Variants in RNF217 observed in about 807,000 individuals in gnomAD.
RNF217 encodes the protein E3 ubiquitin-protein ligase RNF217.
A neutral mutation model predicts 57.8 loss-of-function variants in RNF217; 31 were observed. That is an observed-to-expected ratio of 0.54 (90% CI 0.40 to 0.72). The LOEUF (loss-of-function observed/expected upper bound fraction) is 0.72, where lower values mean the gene tolerates loss of function less well. Among genes scored for constraint, RNF217 ranks in the 30% least tolerant of loss-of-function variants. The pLI is 0.00. For missense variants in RNF217, 696 were observed against 708.3 expected (o/e 0.98, Z 0.20); for synonymous variants, 313 against 294.0 (o/e 1.06, Z -0.66).
chr6:125,083,071 G>A lies in RNF217; in HGVS notation c.*134G>A, dbSNP rs1788638091. On this transcript the variant is annotated 3_prime_UTR_variant, in exon 6 of 6. Transcript: ENST00000521654. ...TCTCATCTCCCAGTGATTCTCCGTG[G>A]GCCACAATGCCTCTAGCTATGGTGC... The A allele has an allele frequency of 1.7e-6, 1 of 586,378 alleles. No homozygotes were observed. Among genetic ancestry groups the A allele is most frequent in the African/African-American group, 2.0e-5 (1 of 51,246 alleles). 36.3% of individuals were successfully genotyped at this position (586,378 alleles called of 1,614,324 possible).
rs9401790 is a variant in RNF217, at chr6:124,963,311, T to C, written c.767T>C (p.Val256Ala). 1,298,765 of 1,535,478 alleles carry C rather than the reference T, an allele frequency of 0.85. 549,659 individuals are homozygous for C. Among genetic ancestry groups the C allele is most frequent in the Admixed American group, 0.9 (45,890 of 50,930 alleles). ...CTGGGCGGTGTAGGGGATCCCTATG[T>C]GCCCCTCATGGTGCTGATGTGCCGG... is the stretch of plus-strand genomic sequence containing the variant. ...SGLGGVGDPY[V>A]PLMVLMCRVC... The change falls in exon 1 of 6, where the codon GTG becomes GCG. Residue 256 changes from valine (V) to alanine (A), a missense_variant. This residue lies in a region of RNF217 where 465 missense variants were observed against 386.8 expected (regional missense o/e 1.20). Transcript: ENST00000521654.
chr6:125,013,584 T>C (rs991281433), intron 1 of RNF217, among the ~76,000 whole-genome samples: 1 of 152,028 alleles, frequency 6.6e-6, no homozygotes, highest in East Asian at 1.9e-4. Context: ...GCTTTGGCTG[T>C]TTTCTTTTAG....
At chr6:124,983,703 G>A (rs1247138713) in intron 1 of RNF217, among the ~76,000 whole-genome samples, 1 of 152,180 alleles carries the variant, frequency 6.6e-6, no homozygotes, top group Non-Finnish European at 1.5e-5. Context: ...TACTGGCTCA[G>A]TAGGAAGAGG....
At chr6:124,983,350 C>T (rs562635280) in intron 1 of RNF217, 12 of 983,892 alleles carry the variant, frequency 1.2e-5, no homozygotes, top group Non-Finnish European at 1.4e-5. Flanking sequence ...GATAGAACTC[C>T]GACTGTGTAC....
chr6:125,077,071 A>G (rs1336386997), intron 4 of RNF217, among the ~76,000 whole-genome samples: 1 of 152,178 alleles, frequency 6.6e-6, no homozygotes, highest in African/African-American at 2.4e-5. Context: ...TGTTTGAAAA[A>G]GCAGCTTATT....
chr6:124,975,931 A>G (rs1199046456), intron 1 of RNF217, among the ~76,000 whole-genome samples: 2 of 151,940 alleles, frequency 1.3e-5, no homozygotes, highest in Non-Finnish European at 1.5e-5. Context: ...TTTAAAAAAT[A>G]TTTTTCCTAT....
At chr6:125,026,947 T>C (rs1340741319) in intron 1 of RNF217, among the ~76,000 whole-genome samples, 1 of 152,146 alleles carries the variant, frequency 6.6e-6, no homozygotes. Context: ...TATTAATGTT[T>C]ATTATATTTG....
At chr6:125,000,949 G>A (rs1196574779) in intron 1 of RNF217, among the ~76,000 whole-genome samples, 2 of 152,104 alleles carry the variant, frequency 1.3e-5, no homozygotes, top group African/African-American at 4.8e-5. Context: ...GAAGTATGAT[G>A]TATGAGAAAT....
chr6:124,995,946 GA>G (rs1784734055), intron 1 of RNF217, among the ~76,000 whole-genome samples: 1 of 151,880 alleles, frequency 6.6e-6, no homozygotes, highest in Admixed American at 6.6e-5. Context: ...ATCAAGAAAA[GA>G]AAAACATTTG....
chr6:125,073,929 C>CT (rs1184952290), intron 3 of RNF217, among the ~76,000 whole-genome samples: 1 of 152,170 alleles, frequency 6.6e-6, no homozygotes, highest in Non-Finnish European at 1.5e-5. Context: ...TATTATCTAA[C>CT]TTGACACTTG....
At chr6:124,963,543 T>C (rs1228736056) in intron 1 of RNF217, 117 bp downstream of exon 1, 21 of 1,200,966 alleles carry the variant, frequency 1.7e-5, no homozygotes, top group Middle Eastern at 2.0e-4. Context: ...TTACTGAGGA[T>C]CTCTGTTAGT....
chr6:124,994,257 C>T (rs537809514), intron 1 of RNF217, among the ~76,000 whole-genome samples: 16 of 152,208 alleles, frequency 1.1e-4, no homozygotes, highest in African/African-American at 3.4e-4. Flanking sequence ...CAATTAGTGA[C>T]TTATGAACTA....
rs865823879 is a variant in RNF217, at chr6:124,973,166, C to A, written c.882+9740C>A. 3.2e-4 allele frequency among the ~76,000 whole-genome samples: 48 copies of A among 152,236 alleles called. No individual in the cohort carries two copies. In the Middle Eastern group the frequency reaches 0.014, roughly 43 times the overall value. On this transcript the variant is annotated intron_variant, in intron 1 of 5. Coordinates refer to ENST00000521654, the MANE Select transcript of RNF217 (RefSeq NM_001286398.3). ...CTTGTTTAAAAACCTGTAAGACCTC[C>A]TCATTGCTTCACATAGAGATCCCAG... is the stretch of plus-strand genomic sequence containing the variant.
intron 2 of RNF217, among the ~76,000 whole-genome samples, chr6:125,047,205 A>G (rs1230470468): frequency 6.6e-6 from 1 of 152,100 alleles, no homozygotes; most frequent in Non-Finnish European, 1.5e-5. Flanking sequence ...TAATTTTTAA[A>G]ATTGCAGTAA....
intron 1 of RNF217, among the ~76,000 whole-genome samples, chr6:124,968,859 G>C (rs886550686): frequency 2.0e-5 from 3 of 152,088 alleles, no homozygotes; most frequent in African/African-American, 7.2e-5. Flanking sequence ...ATACCTGAGC[G>C]GTAATTTCTT....
chr6:124,962,872 G>A lies in RNF217; in HGVS notation c.328G>A (p.Glu110Lys), dbSNP rs13197637. ...TLPLQLELEE[E>K]EEEAGDRKEG... The stretch of plus-strand genomic sequence containing the variant: ...GCCACTGCAGTTGGAGCTGGAGGAG[G>A]AAGAGGAGGAAGCTGGGGATCGAAA... The change falls in exon 1 of 6, where the codon GAA (glutamate) becomes AAA (lysine). Residue 110 changes from glutamate (E) to lysine (K), a missense_variant. Transcript: ENST00000521654. The surrounding 1 kb of genome is among the most constrained non-coding windows in gnomAD (Gnocchi z 4.6). 1 of 1,598,086 alleles carries A rather than the reference G, an allele frequency of 6.3e-7. No homozygotes were observed. Among genetic ancestry groups the A allele is most frequent in the South Asian group, 1.1e-5 (1 of 91,088 alleles).
chr6:125,085,823 A>G lies in RNF217; in HGVS notation c.*2886A>G, dbSNP rs1582790811. ...TGTGTATGTGTCTGTGTGTGTATTC[A>G]TTTTATACAAATAGAAAAATATTCT... On this transcript the variant is annotated 3_prime_UTR_variant, in exon 6 of 6. Transcript: ENST00000521654. 6.6e-6 allele frequency: 1 copy of G among 151,844 alleles called. No homozygotes were observed. The highest frequency in any genetic ancestry group is 6.6e-5 in the Admixed American group (1 of 15,226). The allele number at this position is 151,844 out of a possible 1,614,324, so 9.4% of individuals were successfully genotyped here. A position where few individuals can be genotyped will look rare whatever the true frequency, so the allele number is the denominator to read the frequency against.
intron 1 of RNF217, among the ~76,000 whole-genome samples, chr6:124,985,072 A>G (rs1784324773): frequency 6.6e-6 from 1 of 152,234 alleles, no homozygotes. Context: ...CTTAGGTCAC[A>G]TGATCCATAC....
intron 1 of RNF217, among the ~76,000 whole-genome samples, chr6:125,004,151 A>T (rs1256157692): frequency 6.6e-6 from 1 of 152,192 alleles, no homozygotes; most frequent in African/African-American, 2.4e-5. Flanking sequence ...ATATTAGACA[A>T]ATGTTAAATT....
Sources: gnomAD v4.1 joint callset for allele counts (sites outside exome capture counted in the v4.1 genomes callset) on GRCh38, gnomAD v4.1.1 for gene constraint, gnomAD v4.1.1 regional missense constraint, Gnocchi (gnomAD v3.1) non-coding constraint, MANE v1.5 for transcripts, NCBI Gene and HGNC (gene_info 2026-07-23, HGNC 2026-07-21) for gene names.